KHDRBS2: variants seen among roughly 807,000 people sequenced by gnomAD.
The protein encoded by KHDRBS2 is KH domain-containing, RNA-binding, signal transduction-associated protein 2.
Under a neutral mutation model 44.3 loss-of-function variants are expected in KHDRBS2, and 26 were observed. That is an observed-to-expected ratio of 0.59 (90% CI 0.43 to 0.81). KHDRBS2 has a LOEUF of 0.81. Among genes scored for constraint, KHDRBS2 ranks in the 40% least tolerant of loss-of-function variants. The pLI, the probability that KHDRBS2 is intolerant of heterozygous loss-of-function variation, is 0.00. For missense variants in KHDRBS2, 476 were observed against 433.1 expected (o/e 1.10, Z -0.88); for synonymous variants, 194 against 151.1 (o/e 1.28, Z -2.08).
At chr6:62,098,974 C>A (rs1801252774) in intron 2 of KHDRBS2, among the ~76,000 whole-genome samples, 2 of 151,984 alleles carry the variant, frequency 1.3e-5, no homozygotes, top group Admixed American at 1.3e-4. Context: ...TACAGGATTT[C>A]TGTTGGATTT....
intron 6 of KHDRBS2, among the ~76,000 whole-genome samples, chr6:61,858,241 G>T (rs1487019652): frequency 1.4e-5 from 2 of 145,486 alleles, no homozygotes; most frequent in African/African-American, 5.3e-5. Context: ...AATCTCTCAT[G>T]CAATTTAAGA....
chr6:62,120,102 A>G (rs897877655), intron 2 of KHDRBS2, among the ~76,000 whole-genome samples: 5 of 152,216 alleles, frequency 3.3e-5, no homozygotes, highest in African/African-American at 1.2e-4. Context: ...CCCAGTATGC[A>G]GGGATTCTGC....
chr6:62,062,835 C>T (rs981042634), intron 2 of KHDRBS2, among the ~76,000 whole-genome samples: 2 of 147,446 alleles, frequency 1.4e-5, no homozygotes, highest in African/African-American at 5.0e-5. Context: ...TCAATGAATC[C>T]AGGAGCTGGT....
chr6:61,550,016 C>T, the KHDRBS2 span, among the ~76,000 whole-genome samples: 1 of 151,954 alleles, frequency 6.6e-6, no homozygotes, highest in Non-Finnish European at 1.5e-5. Context: ...TTATTTAATC[C>T]CTCTATGCAC....
chr6:61,781,865 A>G (rs1404713008), intron 6 of KHDRBS2, among the ~76,000 whole-genome samples: 4 of 152,198 alleles, frequency 2.6e-5, no homozygotes, highest in Admixed American at 2.6e-4. Flanking sequence ...AAACTTTTGC[A>G]TGACAGAAAG....
the KHDRBS2 span, chr6:61,658,985 A>G: frequency 6.6e-6 from 1 of 151,884 alleles, no homozygotes; most frequent in South Asian, 2.1e-4. Context: ...CAGTCGTGGA[A>G]CAAATTTGAT....
intron 1 of KHDRBS2, among the ~76,000 whole-genome samples, chr6:62,250,645 A>AT (rs1334404617): frequency 2.0e-5 from 3 of 152,122 alleles, no homozygotes; most frequent in Admixed American, 6.6e-5. Context: ...GAAAACCAAC[A>AT]TTTTTTTAAT....
intron 8 of KHDRBS2, among the ~76,000 whole-genome samples, chr6:61,693,080 T>A (rs1767542940): frequency 6.6e-6 from 1 of 152,094 alleles, no homozygotes; most frequent in South Asian, 2.1e-4. Flanking sequence ...GGAATAACTA[T>A]TATTGATTTA....
chr6:61,619,587 TGGGATTATA>T, the KHDRBS2 span, among the ~76,000 whole-genome samples: 1 of 152,090 alleles, frequency 6.6e-6, no homozygotes, highest in Non-Finnish European at 1.5e-5. Context: ...CCCAAGTAGG[TGGGATTATA>T]GGCATGTGCC....
At chr6:62,258,106 A>T (rs1288743969) in intron 1 of KHDRBS2, among the ~76,000 whole-genome samples, 2 of 152,012 alleles carry the variant, frequency 1.3e-5, no homozygotes, top group Admixed American at 1.3e-4. Context: ...TTCAGTTTCC[A>T]TCTATAATGC....
intron 6 of KHDRBS2, among the ~76,000 whole-genome samples, chr6:61,799,179 CA>C (rs967391789): frequency 6.6e-6 from 1 of 151,590 alleles, no homozygotes; most frequent in African/African-American, 2.4e-5. Flanking sequence ...TTTTAAAAAA[CA>C]AAAAAAGCAT....
At chr6:61,622,625 G>A in the KHDRBS2 span, among the ~76,000 whole-genome samples, 1 of 152,148 alleles carries the variant, frequency 6.6e-6, no homozygotes, top group Non-Finnish European at 1.5e-5. Context: ...CAGCGTTAGA[G>A]GGGCAGTTAG....
chr6:61,613,949 A>G, the KHDRBS2 span, among the ~76,000 whole-genome samples: 1 of 152,218 alleles, frequency 6.6e-6, no homozygotes, highest in African/African-American at 2.4e-5. Flanking sequence ...GCATGACTAA[A>G]TCATCCTCCA....
rs1286139109 is a variant in KHDRBS2 at position 61,861,064 on chromosome 6, G to GT, written c.810+33570dup. On this transcript the variant is annotated intron_variant, in intron 6 of 8. Transcript: ENST00000281156. ...CCTTTGCCTACTTTTTAATGAGGTTGTTTTTTTCTTTTAAATTAGTTTGAG... is the reference window on the plus strand; with the variant it reads ...CCTTTGCCTACTTTTTAATGAGGTTGTTTTTTTTCTTTTAAATTAGTTTGAG... 1.1e-4 allele frequency among the ~76,000 whole-genome samples: 16 copies of GT among 151,974 alleles called. No homozygotes were observed. The East Asian group carries it at 3.1e-3, about 29-fold the overall frequency.
At chr6:61,839,327 C>A (rs1379895793) in intron 6 of KHDRBS2, among the ~76,000 whole-genome samples, 2 of 151,784 alleles carry the variant, frequency 1.3e-5, no homozygotes, top group Admixed American at 1.3e-4. Flanking sequence ...GTTTCTATTA[C>A]TTTCCATTAA....
chr6:62,178,067 G>A (rs573196333), intron 1 of KHDRBS2, among the ~76,000 whole-genome samples: 1 of 151,504 alleles, frequency 6.6e-6, no homozygotes, highest in South Asian at 2.1e-4. Context: ...ATTCTAATGT[G>A]GAAAAGGAAC....
downstream of KHDRBS2, among the ~76,000 whole-genome samples, chr6:61,676,210 C>T (rs114568138): frequency 0.025 from 3,744 of 151,928 alleles, 73 homozygotes; most frequent in Middle Eastern, 0.082. Flanking sequence ...GAAATTATCA[C>T]TCTCTGTCTC....
chr6:61,663,594 C>G, the KHDRBS2 span, among the ~76,000 whole-genome samples: 2 of 137,308 alleles, frequency 1.5e-5, no homozygotes, highest in Non-Finnish European at 3.1e-5. Context: ...TACCGCTGAC[C>G]ATTATTTTGT....
chr6:61,728,045 C>T (rs1562044727), intron 7 of KHDRBS2, among the ~76,000 whole-genome samples: 2 of 151,772 alleles, frequency 1.3e-5, no homozygotes, highest in Non-Finnish European at 2.9e-5. Context: ...GGTTGATTAC[C>T]CAACATGATA....
Sources: allele counts gnomAD v4.1 joint callset (sites outside exome capture counted in the v4.1 genomes callset), GRCh38; gene constraint gnomAD v4.1.1; transcripts MANE v1.5; gene names NCBI Gene and HGNC (gene_info 2026-07-23, HGNC 2026-07-21).